Variants in FBXL7 observed in about 807,000 individuals in gnomAD.
FBXL7 encodes F-box/LRR-repeat protein 7.
In FBXL7, 12 loss-of-function variants were observed where a neutral mutation model predicts 38.3. The observed-to-expected ratio is 0.31, with a 90% CI of 0.20 to 0.51. The LOEUF (loss-of-function observed/expected upper bound fraction) is 0.51, where lower values mean the gene tolerates loss of function less well. FBXL7 is among the 20% of genes least tolerant of loss of function. The pLI is 0.98. For missense variants in FBXL7, 567 were observed against 676.4 expected (o/e 0.84, Z 1.79); for synonymous variants, 297 against 300.9 (o/e 0.99, Z 0.13).
rs145242719 is a variant in FBXL7, at chr5:15,691,298, G to A, written c.127+75226G>A. Reference sequence around the variant, plus strand: ...GAGTGGTATTCCTTGCCTTTAAAGCGAAAATCATGAATCAACTTGATGTTT... The same window carrying A: ...GAGTGGTATTCCTTGCCTTTAAAGCAAAAATCATGAATCAACTTGATGTTT... On this transcript the variant is annotated intron_variant, in intron 2 of 3. Transcript: ENST00000504595. 7.6e-4 allele frequency among the ~76,000 whole-genome samples: 115 copies of A among 152,304 alleles called. 2 individuals carry two copies. The East Asian group carries it at 0.018, about 23-fold the overall frequency.
At chr5:15,699,434 C>G (rs116703192) in intron 2 of FBXL7, among the ~76,000 whole-genome samples, 4 of 152,154 alleles carry the variant, frequency 2.6e-5, no homozygotes, top group African/African-American at 9.7e-5. Context: ...TTCGCCATCC[C>G]GTTGTGCTCC....
At chr5:15,856,066 G>A (rs1253457436) in intron 2 of FBXL7, among the ~76,000 whole-genome samples, 1 of 152,150 alleles carries the variant, frequency 6.6e-6, no homozygotes, top group African/African-American at 2.4e-5. Flanking sequence ...AGACTGGGAA[G>A]AAAAAGAGGT....
At chr5:15,711,379 T>C (rs1410105775) in intron 2 of FBXL7, among the ~76,000 whole-genome samples, 1 of 152,232 alleles carries the variant, frequency 6.6e-6, no homozygotes, top group Non-Finnish European at 1.5e-5. Context: ...GATACCTCCA[T>C]GTGTCCATGT....
At position 15,818,703 on chromosome 5, in the gene FBXL7, C is replaced by CGTGTGTGT. The variant is rs3222099; in HGVS notation, c.128-109153_128-109146dup. Among the ~76,000 whole-genome samples, 1,014 of 116,796 alleles carry CGTGTGTGT rather than the reference C, an allele frequency of 8.7e-3. 9 individuals are homozygous for CGTGTGTGT. The highest frequency in any genetic ancestry group is 0.017 in the East Asian group (62 of 3,658). 76.6% of individuals were successfully genotyped at this position (116,796 alleles called of 152,430 possible). ...AGTTAATCTGAATGTCCCATTATTT[C>CGTGTGTGT]GTGTGTGTGTGTGTGTGTGTGTGTG... On this transcript the variant is annotated intron_variant, in intron 2 of 3. Coordinates refer to ENST00000504595, the MANE Select transcript of FBXL7 (RefSeq NM_012304.5).
intron 2 of FBXL7, among the ~76,000 whole-genome samples, chr5:15,649,834 G>A (rs900255155): frequency 3.3e-5 from 5 of 151,754 alleles, no homozygotes; most frequent in African/African-American, 1.2e-4. Flanking sequence ...CTTTGACTTT[G>A]GTAGAAGTAG....
intron 2 of FBXL7, among the ~76,000 whole-genome samples, chr5:15,839,012 T>G (rs1738670841): frequency 6.6e-6 from 1 of 152,184 alleles, no homozygotes; most frequent in Non-Finnish European, 1.5e-5. Context: ...AACCTTTTCA[T>G]GCATTGCAGT....
chr5:15,581,214 C>T (rs1432065040), intron 1 of FBXL7, among the ~76,000 whole-genome samples: 2 of 152,148 alleles, frequency 1.3e-5, no homozygotes, highest in Non-Finnish European at 1.5e-5. Flanking sequence ...ATCAGCAATT[C>T]TCCTACTGGC....
At chr5:15,671,661 A>G (rs146493927) in intron 2 of FBXL7, among the ~76,000 whole-genome samples, 87 of 152,314 alleles carry the variant, frequency 5.7e-4, no homozygotes, top group African/African-American at 2.1e-3. Context: ...TACCACAAGG[A>G]TATTAGTGGT....
At chr5:15,851,375 T>C (rs1244332735) in intron 2 of FBXL7, among the ~76,000 whole-genome samples, 2 of 152,208 alleles carry the variant, frequency 1.3e-5, no homozygotes, top group Admixed American at 1.3e-4. Flanking sequence ...AGCATGTGCC[T>C]CAGGTCGCAA....
chr5:15,676,303 A>C (rs1742653384), intron 2 of FBXL7, among the ~76,000 whole-genome samples: 1 of 152,180 alleles, frequency 6.6e-6, no homozygotes, highest in Non-Finnish European at 1.5e-5. Context: ...GGGAAGACTG[A>C]TAAATTTTTC....
rs575458854 is a variant in FBXL7, at chr5:15,654,560, G to A, written c.127+38488G>A. Among the ~76,000 whole-genome samples the A allele has an allele frequency of 9.7e-4, 147 of 152,188 alleles. 1 individual carries two copies. The highest frequency in any genetic ancestry group is 3.4e-3 in the African/African-American group (143 of 41,542). Reference sequence around the variant, plus strand: ...AATATGTTTGATGTCTATTACTAATGGGTCATTTTTGTCTCGAATTTAGTA... The same window carrying A: ...AATATGTTTGATGTCTATTACTAATAGGTCATTTTTGTCTCGAATTTAGTA... On this transcript the variant is annotated intron_variant, in intron 2 of 3. Coordinates refer to ENST00000504595, the MANE Select transcript of FBXL7 (RefSeq NM_012304.5).
At chr5:15,503,519 CTG>C (rs1426168960) in intron 1 of FBXL7, among the ~76,000 whole-genome samples, 1 of 152,228 alleles carries the variant, frequency 6.6e-6, no homozygotes, top group Non-Finnish European at 1.5e-5. Context: ...AGTGTTCAAA[CTG>C]TGTTTAAATA....
Position 15,722,604 on chromosome 5 carries a change from T to C in FBXL7, c.127+106532T>C, listed in dbSNP as rs954273814. On this transcript the variant is annotated intron_variant, in intron 2 of 3. Transcript: ENST00000504595. ...GCTCATATGCACTAGGAGAAATTCA[T>C]AGAAATGTTCATACCAGCATTTGTA... Among the ~76,000 whole-genome samples the C allele has an allele frequency of 2.0e-5, 3 of 152,114 alleles. No individual in the cohort carries two copies. The South Asian group carries it at 6.2e-4, about 32-fold the overall frequency.
intron 2 of FBXL7, among the ~76,000 whole-genome samples, chr5:15,921,609 C>T (rs573337327): frequency 1.3e-5 from 2 of 152,166 alleles, no homozygotes; most frequent in Admixed American, 1.3e-4. Flanking sequence ...AAGGGGCTAA[C>T]ATCTAAGATT....
At chr5:15,774,920 C>T (rs534328658) in intron 2 of FBXL7, among the ~76,000 whole-genome samples, 1 of 152,086 alleles carries the variant, frequency 6.6e-6, no homozygotes, top group Non-Finnish European at 1.5e-5. Flanking sequence ...TTTAGAAATT[C>T]CAAAGTAGGT....
intron 1 of FBXL7, among the ~76,000 whole-genome samples, chr5:15,515,781 A>C (rs1349109236): frequency 6.6e-6 from 1 of 152,210 alleles, no homozygotes; most frequent in East Asian, 1.9e-4. Context: ...AGTGAGTTGA[A>C]TCATAAGCAA....
rs1738762939 is a variant in FBXL7, at chr5:15,842,037, G to A, written c.128-85853G>A. 2.0e-5 allele frequency among the ~76,000 whole-genome samples: 3 copies of A among 152,204 alleles called. No homozygotes were observed. The South Asian group carries it at 6.2e-4, about 32-fold the overall frequency. The stretch of plus-strand genomic sequence containing the variant: ...CACTGGGGCACTGCTTAGTGGAGCT[G>A]TGATAAGAGGGAAACCATCCTCCAG... On this transcript the variant is annotated intron_variant, in intron 2 of 3. Coordinates refer to ENST00000504595, the MANE Select transcript of FBXL7 (RefSeq NM_012304.5).
intron 2 of FBXL7, among the ~76,000 whole-genome samples, chr5:15,771,619 T>TA (rs34844283): frequency 1.3e-5 from 2 of 151,912 alleles, no homozygotes; most frequent in African/African-American, 2.4e-5. Flanking sequence ...GCTCTGCTTG[T>TA]AAAAAAGCTG....
intron 1 of FBXL7, among the ~76,000 whole-genome samples, chr5:15,523,739 G>A (rs1215402184): frequency 6.6e-6 from 1 of 152,140 alleles, no homozygotes; most frequent in Non-Finnish European, 1.5e-5. Flanking sequence ...CTCCAGTGCT[G>A]GTGGCTTGCT....
Sources: allele counts gnomAD v4.1 joint callset (sites outside exome capture counted in the v4.1 genomes callset), GRCh38; gene constraint gnomAD v4.1.1; transcripts MANE v1.5; gene names NCBI Gene and HGNC (gene_info 2026-07-23, HGNC 2026-07-21).